Variants in SPECC1L observed in about 807,000 individuals in gnomAD.
The protein encoded by SPECC1L is cytospin-A.
A neutral mutation model predicts 116.8 loss-of-function variants in SPECC1L; 40 were observed. The observed-to-expected ratio is 0.34, with a 90% CI of 0.27 to 0.45. SPECC1L has a LOEUF of 0.45. Among genes scored for constraint, SPECC1L ranks in the 20% least tolerant of loss-of-function variants. The probability of loss-of-function intolerance (pLI) is 1.00; values close to 1 mark genes in which losing one functional copy is unlikely to be tolerated. For synonymous variants in SPECC1L, 504 were observed against 500.6 expected (o/e 1.01, Z -0.09); for missense variants, 1,110 against 1,373.6 (o/e 0.81, Z 3.03).
At chr22:24,329,051 C>A in intron 7 of SPECC1L, 132 bp downstream of exon 7, 2 of 735,548 alleles carry the variant, frequency 2.7e-6, no homozygotes, top group South Asian at 1.6e-5. Flanking sequence ...GGGCTTTGGG[C>A]AGAAAGCAAA....
At chr22:24,404,759 C>T (rs1266252294) in intron 14 of SPECC1L, among the ~76,000 whole-genome samples, 1 of 152,164 alleles carries the variant, frequency 6.6e-6, no homozygotes, top group Non-Finnish European at 1.5e-5. Flanking sequence ...CGTGTGTCAG[C>T]CCTGTCCAGC....
At chr22:24,385,989 A>G (rs1393294296) in intron 14 of SPECC1L, among the ~76,000 whole-genome samples, 1 of 152,196 alleles carries the variant, frequency 6.6e-6, no homozygotes, top group East Asian at 1.9e-4. Context: ...GGCCACATGC[A>G]CTGTCAAAAG....
Position 24,370,018 on chromosome 22 carries a change from A to G in SPECC1L, c.3087+698A>G, listed in dbSNP as rs183684409. Among the ~76,000 whole-genome samples, 335 of 152,362 alleles carry G rather than the reference A, an allele frequency of 2.2e-3. 1 individual carries two copies. The highest frequency in any genetic ancestry group is 4.0e-3 in the Non-Finnish European group (269 of 68,030). ...TGATTGCATTTCATGCTTTGGCACAAATGCACAGAAGTACAACACAAAAAG... is the reference window on the plus strand; with the variant it reads ...TGATTGCATTTCATGCTTTGGCACAGATGCACAGAAGTACAACACAAAAAG... On this transcript the variant is annotated intron_variant, in intron 14 of 16. Transcript: ENST00000314328.
At chr22:24,398,820 A>G (rs1352272511) in intron 14 of SPECC1L, among the ~76,000 whole-genome samples, 1 of 152,136 alleles carries the variant, frequency 6.6e-6, no homozygotes, top group South Asian at 2.1e-4. Context: ...GGGGGTTAGG[A>G]TGAGGACACG....
chr22:24,324,635 G>C (rs758679372), intron 6 of SPECC1L, among the ~76,000 whole-genome samples: 1 of 152,156 alleles, frequency 6.6e-6, no homozygotes, highest in Non-Finnish European at 1.5e-5. Flanking sequence ...CAGATCACTT[G>C]AGTTGAGGAG....
chr22:24,284,680 C>T (rs578121418), intron 2 of SPECC1L, among the ~76,000 whole-genome samples: 1 of 152,278 alleles, frequency 6.6e-6, no homozygotes, highest in East Asian at 1.9e-4. Flanking sequence ...CGTGTTCTGC[C>T]TGCCTTGGCC....
At chr22:24,396,207 G>C (rs530229265) in intron 14 of SPECC1L, among the ~76,000 whole-genome samples, 1 of 152,018 alleles carries the variant, frequency 6.6e-6, no homozygotes, top group Non-Finnish European at 1.5e-5. Context: ...TTTGACACTT[G>C]TTGTGCACAA....
At chr22:24,290,210 C>T (rs1030603608) in intron 2 of SPECC1L, among the ~76,000 whole-genome samples, 3 of 152,318 alleles carry the variant, frequency 2.0e-5, no homozygotes, top group African/African-American at 7.2e-5. Flanking sequence ...GTGAGAAGAA[C>T]TGGGTTAAAG....
Position 24,330,446 on chromosome 22 carries a change from A to G in SPECC1L, c.2396+15A>G. 2 of 1,613,874 alleles carry G rather than the reference A, an allele frequency of 1.2e-6. No homozygotes were observed. The highest frequency in any genetic ancestry group is 2.2e-5 in the South Asian group (2 of 91,078). On this transcript the variant is annotated intron_variant, in intron 8 of 16. Transcript: ENST00000314328. ...AAGTCACGCAAGTAAGTTCTGAGAA[A>G]CCTGTTGTGTACTTATGTTTCAGTA... is the stretch of plus-strand genomic sequence containing the variant.
At chr22:24,311,865 C>G (rs1601534318) in intron 3 of SPECC1L, among the ~76,000 whole-genome samples, 1 of 150,804 alleles carries the variant, frequency 6.6e-6, no homozygotes, top group African/African-American at 2.4e-5. Flanking sequence ...GCAGTGTTTC[C>G]CTCTCTTTTT....
chr22:24,276,873 G>A (rs959078897), intron 2 of SPECC1L, 70 bp downstream of exon 2: 1 of 397,352 alleles, frequency 2.5e-6, no homozygotes, highest in Non-Finnish European at 5.1e-6. Context: ...CAAAACACTG[G>A]TGTCTCCTTA....
At chr22:24,307,167 C>A (rs563637562) in intron 3 of SPECC1L, among the ~76,000 whole-genome samples, 1 of 152,142 alleles carries the variant, frequency 6.6e-6, no homozygotes, top group African/African-American at 2.4e-5. Flanking sequence ...GGGGTATATA[C>A]CCGTAGGTGG....
chr22:24,317,293 C>T (rs1276353048), intron 4 of SPECC1L, among the ~76,000 whole-genome samples: 2 of 102,378 alleles, frequency 2.0e-5, no homozygotes, highest in Admixed American at 1.1e-4. Flanking sequence ...CCGGACGGGG[C>T]GGCTGGCCAG....
chr22:24,348,811 A>T (rs1483046801), intron 11 of SPECC1L, among the ~76,000 whole-genome samples: 3 of 152,164 alleles, frequency 2.0e-5, no homozygotes. Flanking sequence ...CACCTAGCTC[A>T]CTGGGTTCCT....
intron 15 of SPECC1L, 75 bp downstream of exon 15, chr22:24,411,779 C>T: frequency 8.3e-7 from 1 of 1,203,436 alleles, no homozygotes; most frequent in South Asian, 1.2e-5. Flanking sequence ...CAGCACCTGC[C>T]TCAGCAGGTC....
intron 12 of SPECC1L, among the ~76,000 whole-genome samples, chr22:24,364,349 T>A (rs1400644839): frequency 6.6e-6 from 1 of 152,200 alleles, no homozygotes; most frequent in Non-Finnish European, 1.5e-5. Flanking sequence ...GTTTTCTGTC[T>A]TATTGATTTA....
At chr22:24,295,717 C>T (rs12163063) in intron 2 of SPECC1L, among the ~76,000 whole-genome samples, 6 of 151,958 alleles carry the variant, frequency 3.9e-5, no homozygotes, top group Admixed American at 3.3e-4. Flanking sequence ...TTTGGGAGGC[C>T]GAGGGTGGAT....
intron 14 of SPECC1L, among the ~76,000 whole-genome samples, chr22:24,379,628 A>G (rs1473470202): frequency 6.6e-6 from 1 of 152,192 alleles, no homozygotes; most frequent in East Asian, 1.9e-4. Context: ...TTAATCATAC[A>G]TTAGGAAAAT....
chr22:24,316,611 A>G (rs1373094564), intron 4 of SPECC1L, among the ~76,000 whole-genome samples: 2 of 149,428 alleles, frequency 1.3e-5, no homozygotes, highest in African/African-American at 2.5e-5. Flanking sequence ...TCACAGATCA[A>G]CAGGATCCCA....
Sources: allele counts gnomAD v4.1 joint callset (sites outside exome capture counted in the v4.1 genomes callset), GRCh38; gene constraint gnomAD v4.1.1; transcripts MANE v1.5; gene names NCBI Gene and HGNC (gene_info 2026-07-23, HGNC 2026-07-21).